The following MMP1 variants were observed in gnomAD, a reference collection of about 807,000 sequenced individuals.
The protein encoded by MMP1 is matrix metallopeptidase 1.
A neutral mutation model predicts 49.6 loss-of-function variants in MMP1; 51 were observed. The observed-to-expected ratio is 1.03, with a 90% CI of 0.82 to 1.30. The LOEUF is 1.30. MMP1 is among the 50% of genes most tolerant of loss of function. The pLI, the probability that MMP1 is intolerant of heterozygous loss-of-function variation, is 0.00. For missense variants in MMP1, 623 were observed against 568.7 expected (o/e 1.10, Z -0.97); for synonymous variants, 230 against 196.8 (o/e 1.17, Z -1.41).
Position 102,798,001 on chromosome 11 carries a change from A to G in MMP1, c.92T>C (p.Val31Ala). 3.1e-6 allele frequency: 5 copies of G among 1,612,838 alleles called. No homozygotes were observed. Among genetic ancestry groups the G allele is most frequent in the South Asian group, 1.1e-5 (1 of 90,980 alleles). Residue 31 changes from valine (V) to alanine (A), a missense_variant, in exon 1 of 10, where the codon GTG becomes GCG. Transcript: ENST00000315274. Reference sequence around the variant, plus strand: ...TGCAGCATTTACCTGGACTAAGTCCACATCTTGCTCTTGTGTTTCTAGAGT... The same window carrying G: ...TGCAGCATTTACCTGGACTAAGTCCGCATCTTGCTCTTGTGTTTCTAGAGT... ...PATLETQEQD[V>A]DLVQKYLEKY... is the part of the protein sequence containing the mutation.
In MMP1 at chr11:102,798,016, GT is replaced by G; in HGVS notation, c.76del (p.Thr26HisfsTer8). 1 of 1,613,640 alleles carries G rather than the reference GT, an allele frequency of 6.2e-7. No homozygotes were observed. The highest frequency in any genetic ancestry group is 8.5e-7 in the Non-Finnish European group (1 of 1,179,852). Reference sequence around the variant, plus strand: ...GACTAAGTCCACATCTTGCTCTTGTGTTTCTAGAGTCGCTGGGAAGCTGTGA... The same window carrying G: ...GACTAAGTCCACATCTTGCTCTTGTGTTCTAGAGTCGCTGGGAAGCTGTGA... The part of the protein sequence containing the change: ...VSHSFPATLE[T>X]QEQDVDLVQK... On this transcript the variant is annotated frameshift_variant, in exon 1 of 10. Transcript: ENST00000315274. LOFTEE classifies it high-confidence loss of function.
chr11:102,790,647 T>A lies in MMP1; in HGVS notation c.1300+56A>T, dbSNP rs1858000326. The A allele has an allele frequency of 2.9e-6, 4 of 1,383,086 alleles. No homozygotes were observed. In the East Asian group the frequency reaches 9.1e-5, roughly 32 times the overall value. 85.7% of individuals were successfully genotyped at this position (1,383,086 alleles called of 1,614,324 possible). On this transcript the variant is annotated intron_variant, in intron 9 of 9. Coordinates refer to ENST00000315274, the MANE Select transcript of MMP1 (RefSeq NM_002421.4). ...TGGCATTTGCTGTTCCAACTAACAA[T>A]AATGATGTTATTGCTACGGCAATGA... is the stretch of plus-strand genomic sequence containing the variant.
rs187781332 is a variant in MMP1 at position 102,791,503 on chromosome 11, T to A, written c.1034-8A>T. 156 of 1,611,170 alleles carry A rather than the reference T, an allele frequency of 9.7e-5. No individual in the cohort carries two copies. The highest frequency in any genetic ancestry group is 1.2e-4 in the Non-Finnish European group (144 of 1,178,838). On this transcript the variant is annotated splice_region_variant and splice_polypyrimidine_tract_variant and intron_variant, in intron 7 of 9. Coordinates refer to ENST00000315274, the MANE Select transcript of MMP1 (RefSeq NM_002421.4). ...CAGCCCAGTACTTATTCCCTGCCAA[T>A]CAAGAAAGAGTGATAAAACACTTGC...
chr11:102,797,679 A>G (rs1858240708), intron 1 of MMP1, among the ~76,000 whole-genome samples, 179 bp from the exon 2 acceptor site: 1 of 152,164 alleles, frequency 6.6e-6, no homozygotes, highest in South Asian at 2.1e-4. Context: ...AAATGTCCCT[A>G]CTATTAGTTA....
chr11:102,798,153 T>A lies in MMP1; in HGVS notation c.-61A>T. On this transcript the variant is annotated 5_prime_UTR_variant, in exon 1 of 10. Transcript: ENST00000315274. ...TGATGGCTTCCCAGCCTCTTGCTGC[T>A]CCAATATCCCAGCTAGGAAGCTCCC... 7.3e-7 allele frequency: 1 copy of A among 1,377,140 alleles called. No homozygotes were observed. Among genetic ancestry groups the A allele is most frequent in the Non-Finnish European group, 1.0e-6 (1 of 1,000,958 alleles). 85.3% of individuals were successfully genotyped at this position (1,377,140 alleles called of 1,614,324 possible).
At chr11:102,792,530 T>C in intron 7 of MMP1, 75 bp downstream of exon 7, 1 of 1,429,908 alleles carries the variant, frequency 7.0e-7, no homozygotes, top group Non-Finnish European at 9.6e-7. Flanking sequence ...ATGTAGCTAG[T>C]AACCTTATAT....
rs1483530784 is a variant in MMP1 at position 102,792,749 on chromosome 11, A to G, written c.900-11T>C. 1.9e-6 allele frequency: 3 copies of G among 1,608,170 alleles called. No individual in the cohort carries two copies. Among genetic ancestry groups the G allele is most frequent in the South Asian group, 1.1e-5 (1 of 89,584 alleles). ...GTGCGCATGTAGAATCTGATTAGAA[A>G]AAAAGCAAGAAAAGTTTCCATCTAA... On this transcript the variant is annotated splice_polypyrimidine_tract_variant and intron_variant, in intron 6 of 9. Coordinates refer to ENST00000315274, the MANE Select transcript of MMP1 (RefSeq NM_002421.4).
intron 6 of MMP1, 107 bp from the exon 7 acceptor site, chr11:102,792,845 A>G: frequency 9.9e-7 from 1 of 1,013,448 alleles, no homozygotes; most frequent in Non-Finnish European, 1.5e-6. Flanking sequence ...TGTGCTGGTA[A>G]ATGTATAACA....
chr11:102,793,825 A>T (rs1054174232), intron 6 of MMP1, among the ~76,000 whole-genome samples: 24 of 152,200 alleles, frequency 1.6e-4, no homozygotes, highest in African/African-American at 5.5e-4. Context: ...ATAGACTGTT[A>T]TGTGGGCTGA....
rs991699176 is a variant in MMP1, at chr11:102,795,708, A to G, written c.626-101T>C. 5.0e-6 allele frequency: 5 copies of G among 1,005,236 alleles called. No individual in the cohort carries two copies. In the African/African-American group the frequency reaches 6.6e-5, roughly 13 times the overall value. 62.3% of individuals were successfully genotyped at this position (1,005,236 alleles called of 1,614,324 possible). ...TACAACTACAAGGACTCATGTTACTATTTTATCAGTGACTTTTGAAATATA... is the reference window on the plus strand; with the variant it reads ...TACAACTACAAGGACTCATGTTACTGTTTTATCAGTGACTTTTGAAATATA... On this transcript the variant is annotated intron_variant, in intron 4 of 9. Transcript: ENST00000315274.
In MMP1 at chr11:102,795,592, C is replaced by G; in HGVS notation, c.641G>C (p.Arg214Pro). The G allele has an allele frequency of 6.2e-7, 1 of 1,610,906 alleles. No homozygotes were observed. Among genetic ancestry groups the G allele is most frequent in the Non-Finnish European group, 8.5e-7 (1 of 1,179,198 alleles). ...ATGGCCGAGTTCATGAGCTGCAACA[C>G]GATGTAAGTTGTACTCTAAAAAGGC... ...TNNFREYNLH[R>P]VAAHELGHSL... The change falls in exon 5 of 10, where the codon CGT becomes CCT. Residue 214 changes from arginine to proline, a missense_variant. Physicochemically the swap from Arg to Pro is moderately radical, Grantham distance 103. Transcript: ENST00000315274.
intron 7 of MMP1, among the ~76,000 whole-genome samples, chr11:102,792,056 T>C (rs975982773): frequency 2.6e-5 from 4 of 152,204 alleles, no homozygotes; most frequent in Non-Finnish European, 5.9e-5. Flanking sequence ...AGATTTCTGT[T>C]ACTGTACACA....
chr11:102,796,768 A>G lies in MMP1; in HGVS notation c.521T>C (p.Phe174Ser), dbSNP rs1278303383. The G allele has an allele frequency of 1.2e-6, 2 of 1,613,860 alleles. No individual in the cohort carries two copies. Among genetic ancestry groups the G allele is most frequent in the Admixed American group, 1.7e-5 (1 of 59,970 alleles). Residue 174 changes from phenylalanine to serine, a missense_variant, in exon 4 of 10, where the codon TTT (phenylalanine) becomes TCT (serine). Transcript: ENST00000315274. ...VRGDHRDNSP[F>S]DGPGGNLAHA... is the part of the protein sequence containing the mutation. ...AGCAAGATTTCCTCCAGGTCCATCA[A>G]AAGGAGAGTTGTCCCGATGATCTGA...
Position 102,791,456 on chromosome 11 carries a change from T to C in MMP1, c.1073A>G (p.His358Arg), listed in dbSNP as rs2134362004. 1 of 1,614,006 alleles carries C rather than the reference T, an allele frequency of 6.2e-7. No individual in the cohort carries two copies. Among genetic ancestry groups the C allele is most frequent in the Non-Finnish European group, 8.5e-7 (1 of 1,179,862 alleles). The change falls in exon 8 of 10, where the codon CAC (histidine) becomes CGC (arginine). Residue 358 changes from histidine (H) to arginine (R), a missense_variant. His to Arg is a conservative substitution (Grantham distance 29). Coordinates refer to ENST00000315274, the MANE Select transcript of MMP1 (RefSeq NM_002421.4). ...GCTGTAGATGTCCTTGGGGTATCCG[T>C]GTAGCACATTCTGTCCCTGAACAGC... is the stretch of plus-strand genomic sequence containing the variant. Reference protein sequence around the residue: ...YWAVQGQNVLHGYPKDIYSSF... With the variant: ...YWAVQGQNVLRGYPKDIYSSF...
rs370930997 is a variant in MMP1 at position 102,790,721 on chromosome 11, C to T, written c.1282G>A (p.Ala428Thr). 1.2e-6 allele frequency: 2 copies of T among 1,610,862 alleles called. No individual in the cohort carries two copies. Among genetic ancestry groups the T allele is most frequent in the African/African-American group, 1.3e-5 (1 of 74,970 alleles). The change falls in exon 9 of 10, where the codon GCA (alanine) becomes ACA (threonine). Residue 428 changes from alanine (A) to threonine (T), a missense_variant. Physicochemically the swap from Ala to Thr is moderately conservative, Grantham distance 58 (BLOSUM62 0). Coordinates refer to ENST00000315274, the MANE Select transcript of MMP1 (RefSeq NM_002421.4). ...CACTTACCATCTTTCATGAAAACTG[C>T]ATCAACTTTGTGGCCAATTCCAGGA... ...DFPGIGHKVD[A>T]VFMKDGFFYF...
chr11:102,795,643 A>G (rs769719277), intron 4 of MMP1, 36 bp from the exon 5 acceptor site: 2 of 1,558,344 alleles, frequency 1.3e-6, no homozygotes, highest in East Asian at 4.6e-5. Context: ...TAATTATTTG[A>G]AAGGTATTCA....
intron 2 of MMP1, 35 bp from the exon 3 acceptor site, chr11:102,797,197 T>C: frequency 6.2e-7 from 1 of 1,613,596 alleles, no homozygotes; most frequent in Non-Finnish European, 8.5e-7. Context: ...ACATTGGACA[T>C]GACTTCTTAC....
chr11:102,797,967 C>G, intron 1 of MMP1, 21 bp downstream of exon 1: 1 of 1,525,450 alleles, frequency 6.6e-7, no homozygotes, highest in Non-Finnish European at 9.0e-7. Context: ...ACATTATTGT[C>G]ACATGCAATG....
At position 102,797,177 on chromosome 11, in the gene MMP1, A is replaced by G. The variant is rs1858218441; in HGVS notation, c.351-15T>C. ...AATTTTCAATCCTTAGAATGAAACA[A>G]AATAGAGACACATTGGACATGACTT... On this transcript the variant is annotated splice_polypyrimidine_tract_variant and intron_variant, in intron 2 of 9. Coordinates refer to ENST00000315274, the MANE Select transcript of MMP1 (RefSeq NM_002421.4). 6 of 1,613,762 alleles carry G rather than the reference A, an allele frequency of 3.7e-6. No homozygotes were observed. The highest frequency in any genetic ancestry group is 5.1e-6 in the Non-Finnish European group (6 of 1,179,824).
Sources: gnomAD v4.1 joint callset for allele counts (sites outside exome capture counted in the v4.1 genomes callset) on GRCh38, gnomAD v4.1.1 for gene constraint, MANE v1.5 for transcripts, NCBI Gene and HGNC (gene_info 2026-07-23, HGNC 2026-07-21) for gene names.